RAB18: variants seen among roughly 807,000 people sequenced by gnomAD.
RAB18 encodes ras-related protein Rab-18.
Under a neutral mutation model 28.5 loss-of-function variants are expected in RAB18, and 10 were observed. The ratio of observed to expected loss-of-function variants is 0.35; its 90% CI spans 0.22 to 0.60. The LOEUF (loss-of-function observed/expected upper bound fraction) is 0.60, where lower values mean the gene tolerates loss of function less well. Among genes scored for constraint, RAB18 ranks in the 20% least tolerant of loss-of-function variants. The probability of loss-of-function intolerance (pLI) is 0.78; values close to 1 mark genes in which losing one functional copy is unlikely to be tolerated. For missense variants in RAB18, 188 were observed against 244.2 expected, an observed-to-expected ratio of 0.77 and a Z score of 1.53; for synonymous variants, 93 against 86.9, an observed-to-expected ratio of 1.07 and a Z score of -0.39.
intron 6 of RAB18, 121 bp from the exon 7 acceptor site, chr10:27,537,755 T>G (rs1410055731): frequency 2.9e-5 from 23 of 806,534 alleles, no homozygotes; most frequent in Non-Finnish European, 4.3e-5. Flanking sequence ...GGGGAAAAAT[T>G]GCTGATTTGG....
At chr10:27,536,024 A>G (rs908077090) in intron 6 of RAB18, among the ~76,000 whole-genome samples, 4 of 144,978 alleles carry the variant, frequency 2.8e-5, no homozygotes, top group Non-Finnish European at 6.4e-5. Context: ...CGGAGCTTGC[A>G]GTGAGCGAGA....
intron 2 of RAB18, chr10:27,510,358 CA>C (rs766786606): frequency 8.8e-6 from 2 of 226,562 alleles, no homozygotes; most frequent in Non-Finnish European, 1.8e-5. Context: ...GTATGTTCAG[CA>C]TTTGCTACAG....
At chr10:27,505,351 A>G (rs937048931) in intron 1 of RAB18, among the ~76,000 whole-genome samples, 27 of 152,174 alleles carry the variant, frequency 1.8e-4, no homozygotes, top group African/African-American at 6.0e-4. Context: ...CAGGGGCTGT[A>G]ATCAGTTTCA....
chr10:27,535,463 G>A (rs554064432), intron 6 of RAB18, among the ~76,000 whole-genome samples: 50 of 152,296 alleles, frequency 3.3e-4, no homozygotes, highest in African/African-American at 1.1e-3. Flanking sequence ...GGAAGAAAGC[G>A]TGTGTACTGG....
At chr10:27,523,934 C>A (rs536337168) in intron 2 of RAB18, among the ~76,000 whole-genome samples, 1 of 151,732 alleles carries the variant, frequency 6.6e-6, no homozygotes, top group Admixed American at 6.6e-5. Context: ...AAAAAATTAG[C>A]CGGGCGTGGT....
chr10:27,509,855 C>G lies in RAB18; in HGVS notation c.69-20C>G. ...TAGAAAATTCAAGTTCCCAACCTGT[C>G]TTTTTAATATCTCTTTCAGCCTGCT... On this transcript the variant is annotated intron_variant, in intron 1 of 6. Transcript: ENST00000356940. The G allele has an allele frequency of 6.2e-7, 1 of 1,604,266 alleles. No individual in the cohort carries two copies. Among genetic ancestry groups the G allele is most frequent in the Admixed American group, 1.7e-5 (1 of 59,994 alleles).
chr10:27,524,965 T>G (rs2642272), intron 2 of RAB18, among the ~76,000 whole-genome samples: 147,993 of 152,300 alleles, frequency 0.97, 72,029 homozygotes, highest in South Asian at 1. Flanking sequence ...GACGACAGTG[T>G]TCAGTGTCTC....
chr10:27,511,288 C>T (rs947046534), intron 2 of RAB18, among the ~76,000 whole-genome samples: 1 of 152,146 alleles, frequency 6.6e-6, no homozygotes. Context: ...GTGCAACCTC[C>T]ACTTTTCAGG....
intron 3 of RAB18, among the ~76,000 whole-genome samples, chr10:27,530,544 T>C (rs1834767252): frequency 6.6e-6 from 1 of 151,902 alleles, no homozygotes; most frequent in South Asian, 2.1e-4. Flanking sequence ...ATTACTAATT[T>C]GTCATTTTTT....
rs1329652486 is a variant in RAB18, at chr10:27,504,327, G to A, written c.-43G>A. 1.3e-6 allele frequency: 2 copies of A among 1,550,980 alleles called. No homozygotes were observed. The highest frequency in any genetic ancestry group is 1.4e-5 in the African/African-American group (1 of 73,918). On this transcript the variant is annotated 5_prime_UTR_variant, in exon 1 of 7. Transcript: ENST00000356940. ...TCACTCTGCTGAAGGGCTGAGAGGCGCACCCGGGCGGCCAGCTGGGCTCGG... is the reference window on the plus strand; with the variant it reads ...TCACTCTGCTGAAGGGCTGAGAGGCACACCCGGGCGGCCAGCTGGGCTCGG...
chr10:27,527,641 G>A (rs1478728193), intron 3 of RAB18, among the ~76,000 whole-genome samples: 1 of 151,702 alleles, frequency 6.6e-6, no homozygotes, highest in Non-Finnish European at 1.5e-5. Flanking sequence ...CACATAGACT[G>A]TGATAATTAT....
At chr10:27,522,984 G>C (rs988433105) in intron 2 of RAB18, among the ~76,000 whole-genome samples, 1 of 151,648 alleles carries the variant, frequency 6.6e-6, no homozygotes, top group Non-Finnish European at 1.5e-5. Flanking sequence ...TTTTGTTGTT[G>C]TTTTTCTGTT....
Position 27,540,502 on chromosome 10 carries a change from G to A in RAB18, c.*2451G>A, listed in dbSNP as rs1835001183. The A allele has an allele frequency of 2.2e-6, 1 of 454,060 alleles. No homozygotes were observed. Among genetic ancestry groups the A allele is most frequent in the South Asian group, 1.6e-5 (1 of 64,470 alleles). 28.1% of individuals were successfully genotyped at this position (454,060 alleles called of 1,614,324 possible). A position where few individuals can be genotyped will look rare whatever the true frequency, so the allele number is the denominator to read the frequency against. ...CACTCTTTTGTTATATGTAATAGAA[G>A]TATTTCACACTTTTGGGTTATAGAG... is the stretch of plus-strand genomic sequence containing the variant. On this transcript the variant is annotated 3_prime_UTR_variant, in exon 7 of 7. Transcript: ENST00000356940.
At chr10:27,522,532 A>G (rs1834582105) in intron 2 of RAB18, among the ~76,000 whole-genome samples, 1 of 152,118 alleles carries the variant, frequency 6.6e-6, no homozygotes, top group South Asian at 2.1e-4. Context: ...AGTTTATTCT[A>G]TTTGCATTTA....
chr10:27,504,913 G>A (rs1837778367), intron 1 of RAB18: 2 of 511,878 alleles, frequency 3.9e-6, no homozygotes, highest in African/African-American at 4.0e-5. Context: ...GTTTCGTGAC[G>A]CCTTAGGTCC....
In RAB18 at chr10:27,534,001, G is replaced by T; in HGVS notation, c.445+7G>T. ...CATTCCATGTTATTTATAGGTAGGT[G>T]TGTGAATGAATATCTGTCCTTTCAT... On this transcript the variant is annotated splice_region_variant and intron_variant, in intron 6 of 6. Coordinates refer to ENST00000356940, the MANE Select transcript of RAB18 (RefSeq NM_021252.5). 6.3e-7 allele frequency: 1 copy of T among 1,583,742 alleles called. No homozygotes were observed. Among genetic ancestry groups the T allele is most frequent in the Non-Finnish European group, 8.7e-7 (1 of 1,152,554 alleles).
At chr10:27,527,447 T>C (rs1464902993) in intron 3 of RAB18, among the ~76,000 whole-genome samples, 1 of 152,048 alleles carries the variant, frequency 6.6e-6, no homozygotes, top group Non-Finnish European at 1.5e-5. Context: ...TCAAATAAGG[T>C]AGCATTAACT....
At chr10:27,526,995 T>A in intron 3 of RAB18, 106 bp downstream of exon 3, 1 of 1,219,288 alleles carries the variant, frequency 8.2e-7, no homozygotes, top group Non-Finnish European at 1.2e-6. Flanking sequence ...CAATTTGTAT[T>A]AAATAACTTT....
rs796482364 is a variant in RAB18, at chr10:27,510,378, G to A, written c.124+448G>A. The A allele has an allele frequency of 3.5e-4, 74 of 214,252 alleles. 1 individual carries two copies. Among genetic ancestry groups the A allele is most frequent in the African/African-American group, 1.6e-3 (68 of 42,698 alleles). 13.3% of individuals were successfully genotyped at this position (214,252 alleles called of 1,614,324 possible). On this transcript the variant is annotated intron_variant, in intron 2 of 6. Transcript: ENST00000356940. Reference sequence around the variant, plus strand: ...TTCAGCATTTGCTACAGTGTTTGACGTGTATTCTTATCTTCACATATGTAT... The same window carrying A: ...TTCAGCATTTGCTACAGTGTTTGACATGTATTCTTATCTTCACATATGTAT...
Sources: gnomAD v4.1 joint callset for allele counts (sites outside exome capture counted in the v4.1 genomes callset) on GRCh38, gnomAD v4.1.1 for gene constraint, MANE v1.5 for transcripts, NCBI Gene and HGNC (gene_info 2026-07-23, HGNC 2026-07-21) for gene names.